The following GMDS variants were observed in gnomAD, a reference collection of about 807,000 sequenced individuals.
The protein encoded by GMDS is GDP-mannose 4,6 dehydratase.
A neutral mutation model predicts 49.9 loss-of-function variants in GMDS; 20 were observed. That is an observed-to-expected ratio of 0.40 (90% CI 0.28 to 0.58). The LOEUF (loss-of-function observed/expected upper bound fraction) is 0.58, where lower values mean the gene tolerates loss of function less well. Among genes scored for constraint, GMDS ranks in the 20% least tolerant of loss-of-function variants. GMDS has a pLI of 0.42. For missense variants in GMDS, 362 were observed against 481.4 expected, an observed-to-expected ratio of 0.75 and a Z score of 2.32; for synonymous variants, 177 against 178.6, an observed-to-expected ratio of 0.99 and a Z score of 0.07.
chr6:1,910,647 A>G (rs954421036), intron 7 of GMDS, among the ~76,000 whole-genome samples: 5 of 152,196 alleles, frequency 3.3e-5, no homozygotes, highest in African/African-American at 7.2e-5. Context: ...CCCAACATAC[A>G]GCACAGCAGA....
chr6:2,209,626 C>CTA (rs1409832903), intron 1 of GMDS, among the ~76,000 whole-genome samples: 26 of 151,554 alleles, frequency 1.7e-4, no homozygotes, highest in East Asian at 3.9e-4. Flanking sequence ...CTCTCTCTCT[C>CTA]TGGACTGAAT....
rs148014844 is a variant in GMDS at position 1,781,109 on chromosome 6, A to T, written c.772-38523T>A. Among the ~76,000 whole-genome samples, 79 of 152,142 alleles carry T rather than the reference A, an allele frequency of 5.2e-4. 1 individual carries two copies. The East Asian group carries it at 0.014, about 28-fold the overall frequency. On this transcript the variant is annotated intron_variant, in intron 7 of 10. Coordinates refer to ENST00000380815, the MANE Select transcript of GMDS (RefSeq NM_001500.4). ...GATTGCAAGACGAAGGACACCGAGA[A>T]GGCACATGACAGCTTGCTGTTTAGA...
chr6:2,081,233 G>A (rs915802766), intron 4 of GMDS, among the ~76,000 whole-genome samples: 9 of 152,078 alleles, frequency 5.9e-5, no homozygotes, highest in Non-Finnish European at 1.2e-4. Context: ...AAACAATCAG[G>A]ACAGAAAAAT....
At chr6:2,209,790 G>A (rs1332336953) in intron 1 of GMDS, among the ~76,000 whole-genome samples, 1 of 151,990 alleles carries the variant, frequency 6.6e-6, no homozygotes, top group African/African-American at 2.4e-5. Flanking sequence ...GTTCTAATAC[G>A]ATTTACCACA....
intron 7 of GMDS, among the ~76,000 whole-genome samples, chr6:1,743,510 T>C (rs1454172132): frequency 3.2e-5 from 4 of 125,286 alleles, no homozygotes; most frequent in African/African-American, 5.9e-5. Flanking sequence ...GCCACTGCAC[T>C]CCAGCCTGGA....
chr6:1,660,058 G>A (rs1011064889), intron 9 of GMDS, among the ~76,000 whole-genome samples: 2 of 151,988 alleles, frequency 1.3e-5, no homozygotes, highest in East Asian at 3.9e-4. Flanking sequence ...CCCCAGCCGC[G>A]GACCTGCTTG....
intron 7 of GMDS, among the ~76,000 whole-genome samples, chr6:1,841,255 G>T (rs1251485220): frequency 6.6e-6 from 1 of 152,174 alleles, no homozygotes; most frequent in Non-Finnish European, 1.5e-5. Flanking sequence ...CTTGCTCTCA[G>T]AACATCCCAA....
At chr6:1,755,655 A>G (rs1350909903) in intron 7 of GMDS, among the ~76,000 whole-genome samples, 2 of 151,938 alleles carry the variant, frequency 1.3e-5, no homozygotes, top group African/African-American at 4.8e-5. Context: ...CAAAACAGCA[A>G]TGGGGAAAGG....
At chr6:2,130,264 A>G (rs1330734599) in intron 1 of GMDS, among the ~76,000 whole-genome samples, 1 of 152,206 alleles carries the variant, frequency 6.6e-6, no homozygotes, top group African/African-American at 2.4e-5. Flanking sequence ...AATATTTAAA[A>G]CACAGAAATA....
intron 7 of GMDS, among the ~76,000 whole-genome samples, chr6:1,801,713 C>T (rs1769957243): frequency 1.3e-5 from 2 of 152,232 alleles, no homozygotes; most frequent in South Asian, 2.1e-4. Flanking sequence ...ACAAGCCCCA[C>T]ATTTTTCCAA....
intron 7 of GMDS, among the ~76,000 whole-genome samples, chr6:1,751,824 A>C (rs947789549): frequency 9.2e-5 from 14 of 152,222 alleles, no homozygotes; most frequent in Non-Finnish European, 1.3e-4. Flanking sequence ...ACTAACAGAA[A>C]GAAATAGCAT....
chr6:1,727,810 A>G (rs1263356387), intron 8 of GMDS, among the ~76,000 whole-genome samples: 3 of 152,232 alleles, frequency 2.0e-5, no homozygotes, highest in Admixed American at 6.5e-5. Flanking sequence ...GAATTTACCA[A>G]TGGACTCAAG....
chr6:1,943,302 G>A (rs1561910466), intron 6 of GMDS, among the ~76,000 whole-genome samples: 1 of 152,162 alleles, frequency 6.6e-6, no homozygotes, highest in African/African-American at 2.4e-5. Context: ...TCCTCCCCTG[G>A]TGGGGGCTGT....
chr6:1,665,694 T>C (rs1251858764), intron 9 of GMDS, among the ~76,000 whole-genome samples: 1 of 152,092 alleles, frequency 6.6e-6, no homozygotes, highest in Non-Finnish European at 1.5e-5. Flanking sequence ...TTCTGCTCTC[T>C]GGGGGCCACA....
intron 4 of GMDS, among the ~76,000 whole-genome samples, chr6:2,003,304 T>C (rs1356624033): frequency 1.3e-5 from 2 of 152,204 alleles, no homozygotes; most frequent in East Asian, 3.9e-4. Flanking sequence ...CTTATTAATA[T>C]TCTTTGTATC....
At chr6:2,168,588 TA>T (rs1393401019) in intron 1 of GMDS, among the ~76,000 whole-genome samples, 1 of 152,224 alleles carries the variant, frequency 6.6e-6, no homozygotes, top group East Asian at 1.9e-4. Context: ...TTCCATTTCA[TA>T]AACCACAAAT....
chr6:2,071,948 A>AG (rs768191427), intron 4 of GMDS, among the ~76,000 whole-genome samples: 1 of 152,276 alleles, frequency 6.6e-6, no homozygotes, highest in African/African-American at 2.4e-5. Flanking sequence ...AAAGCAACGA[A>AG]GGGGGGAAAA....
intron 7 of GMDS, among the ~76,000 whole-genome samples, chr6:1,758,889 AAAT>A (rs1197447168): frequency 2.0e-5 from 3 of 152,180 alleles, no homozygotes; most frequent in Admixed American, 1.3e-4. Flanking sequence ...TTTTCTCAAA[AAAT>A]AATAATAATC....
At chr6:2,221,933 T>C (rs1000246849) in intron 1 of GMDS, among the ~76,000 whole-genome samples, 1 of 151,390 alleles carries the variant, frequency 6.6e-6, no homozygotes, top group Non-Finnish European at 1.5e-5. Flanking sequence ...GCCAGGTCAG[T>C]GGGAAGAAAA....
Sources: allele counts gnomAD v4.1 joint callset (sites outside exome capture counted in the v4.1 genomes callset), GRCh38; gene constraint gnomAD v4.1.1; transcripts MANE v1.5; gene names NCBI Gene and HGNC (gene_info 2026-07-23, HGNC 2026-07-21).